Variants in ADCY2 observed in about 807,000 individuals in gnomAD.
ADCY2 encodes the protein adenylate cyclase type 2.
A neutral mutation model predicts 125.2 loss-of-function variants in ADCY2; 31 were observed. The observed-to-expected ratio is 0.25, with a 90% CI of 0.19 to 0.33. The LOEUF (loss-of-function observed/expected upper bound fraction) is 0.33, where lower values mean the gene tolerates loss of function less well. ADCY2 is among the 10% of genes least tolerant of loss of function. The probability of loss-of-function intolerance (pLI) is 1.00; values close to 1 mark genes in which losing one functional copy is unlikely to be tolerated. For missense variants in ADCY2, 904 were observed against 1,418.2 expected, an observed-to-expected ratio of 0.64 and a Z score of 5.82; for synonymous variants, 512 against 548.4, an observed-to-expected ratio of 0.93 and a Z score of 0.93.
chr5:7,581,795 T>TG (rs1736441873), intron 3 of ADCY2, among the ~76,000 whole-genome samples: 2 of 138,878 alleles, frequency 1.4e-5, no homozygotes, highest in African/African-American at 2.8e-5. Context: ...CACTCCAGGC[T>TG]GGCGACAGAG....
At chr5:7,774,272 G>A (rs776053980) in intron 18 of ADCY2, among the ~76,000 whole-genome samples, 8 of 152,148 alleles carry the variant, frequency 5.3e-5, no homozygotes, top group Non-Finnish European at 1.2e-4. Context: ...CTGTAATCAA[G>A]CTTAAGGCAG....
intron 4 of ADCY2, among the ~76,000 whole-genome samples, chr5:7,671,393 T>C (rs891378689): frequency 6.6e-6 from 1 of 152,200 alleles, no homozygotes; most frequent in Non-Finnish European, 1.5e-5. Context: ...ACATATTCAG[T>C]GGTTTTTCTA....
chr5:7,750,399 C>T (rs1392816564), intron 15 of ADCY2, among the ~76,000 whole-genome samples: 1 of 152,116 alleles, frequency 6.6e-6, no homozygotes, highest in Non-Finnish European at 1.5e-5. Flanking sequence ...TTCTCATCTT[C>T]CATACTAGCA....
At chr5:7,485,729 T>A (rs1346494407) in intron 2 of ADCY2, among the ~76,000 whole-genome samples, 1 of 152,166 alleles carries the variant, frequency 6.6e-6, no homozygotes, top group Non-Finnish European at 1.5e-5. Flanking sequence ...CACTACATTT[T>A]AAAAAACTAT....
rs114637012 is a variant in ADCY2, at chr5:7,571,724, A to C, written c.570+50825A>C. Among the ~76,000 whole-genome samples, 1,135 of 152,008 alleles carry C rather than the reference A, an allele frequency of 7.5e-3. 14 individuals are homozygous for C. The highest frequency in any genetic ancestry group is 0.026 in the African/African-American group (1,069 of 41,478). On this transcript the variant is annotated intron_variant, in intron 3 of 24. Coordinates refer to ENST00000338316, the MANE Select transcript of ADCY2 (RefSeq NM_020546.3). Reference sequence around the variant, plus strand: ...GTGTGTCATGGGAGTTTGTTGTGCAAATTATTTTATCACCCAAGTGTTAAG... The same window carrying C: ...GTGTGTCATGGGAGTTTGTTGTGCACATTATTTTATCACCCAAGTGTTAAG...
At chr5:7,730,993 T>C (rs1417500925) in intron 14 of ADCY2, among the ~76,000 whole-genome samples, 1 of 152,172 alleles carries the variant, frequency 6.6e-6, no homozygotes, top group Non-Finnish European at 1.5e-5. Context: ...GTCTCGATTG[T>C]CTATTCTTTC....
In ADCY2 at chr5:7,514,597, A is replaced by G. The variant is rs146362631; in HGVS notation, c.409-6141A>G. Among the ~76,000 whole-genome samples, 648 of 152,332 alleles carry G rather than the reference A, an allele frequency of 4.3e-3. 5 individuals are homozygous for G. The highest frequency in any genetic ancestry group is 0.025 in the South Asian group (121 of 4,826). On this transcript the variant is annotated intron_variant, in intron 2 of 24. Transcript: ENST00000338316. ...GAAGTCCTAATCCGCAGTACTTGTG[A>G]ATGTGACCCTTATTTGAAAATAGGG...
rs531417017 is a variant in ADCY2 at position 7,826,890 on chromosome 5, G to C, written c.*19G>C. 2.5e-6 allele frequency: 4 copies of C among 1,582,134 alleles called. No individual in the cohort carries two copies. Among genetic ancestry groups the C allele is most frequent in the Non-Finnish European group, 3.4e-6 (4 of 1,168,072 alleles). ...ATCCTGAAGAGTCACCTTCATTTTG[G>C]CAAGAAGACTGTATTTTCAGGAAGG... On this transcript the variant is annotated 3_prime_UTR_variant, in exon 25 of 25. Transcript: ENST00000338316.
rs752304266 is a variant in ADCY2, at chr5:7,520,842, C to T, written c.513C>T (p.Ile171=). The T allele has an allele frequency of 1.5e-5, 24 of 1,614,082 alleles. No individual in the cohort carries two copies. Among genetic ancestry groups the T allele is most frequent in the East Asian group, 2.2e-5 (1 of 44,890 alleles). ...ASVLTSSSHT[I]VLSVCLSATP... The stretch of plus-strand genomic sequence containing the variant: ...TCCTCACCTCCTCCTCCCACACCAT[C>T]GTGCTTAGCGTCTGCCTGTCTGCAA... Residue 171 remains isoleucine (I), a synonymous_variant, in exon 3 of 25, where the codon ATC becomes ATT. Transcript: ENST00000338316.
rs1740965539 is a variant in ADCY2, at chr5:7,698,478, T to C, written c.1109+104T>C. 2.5e-6 allele frequency: 3 copies of C among 1,206,050 alleles called. No homozygotes were observed. In the Admixed American group the frequency reaches 5.5e-5, roughly 22 times the overall value. 74.7% of individuals were successfully genotyped at this position (1,206,050 alleles called of 1,614,324 possible). On this transcript the variant is annotated intron_variant, in intron 7 of 24. Coordinates refer to ENST00000338316, the MANE Select transcript of ADCY2 (RefSeq NM_020546.3). The stretch of plus-strand genomic sequence containing the variant: ...CATAGGTATACATGTACTGTGTTGG[T>C]TTCCTGCACCCATCAACTCATCATT...
At chr5:7,672,169 A>C (rs1739958189) in intron 4 of ADCY2, among the ~76,000 whole-genome samples, 1 of 152,212 alleles carries the variant, frequency 6.6e-6, no homozygotes, top group Non-Finnish European at 1.5e-5. Context: ...CTCAGCTGAG[A>C]ACTCAGTGAT....
chr5:7,695,992 T>C (rs1373481486), intron 6 of ADCY2, 129 bp downstream of exon 6: 1 of 593,506 alleles, frequency 1.7e-6, no homozygotes, highest in Non-Finnish European at 2.8e-6. Context: ...TAGAAGTTGT[T>C]GGATTTCTTT....
At chr5:7,637,861 A>T (rs2914293) in intron 4 of ADCY2, among the ~76,000 whole-genome samples, 94,079 of 152,098 alleles carry the variant, frequency 0.62, 29,540 homozygotes, top group Non-Finnish European at 0.65. Flanking sequence ...TATCCAGAGC[A>T]TGAGAGTTTC....
rs569744536 is a variant in ADCY2, at chr5:7,454,172, C to T, written c.408+39402C>T. Among the ~76,000 whole-genome samples, 5 of 152,244 alleles carry T rather than the reference C, an allele frequency of 3.3e-5. No individual in the cohort carries two copies. In the East Asian group the frequency reaches 5.8e-4, roughly 18 times the overall value. ...TGTCTTCTGTAGCACCTTGAGTCAG[C>T]GGCTGTCAACACTGAGGCAAGACCT... On this transcript the variant is annotated intron_variant, in intron 2 of 24. Transcript: ENST00000338316.
chr5:7,467,515 G>A (rs573656082), intron 2 of ADCY2, among the ~76,000 whole-genome samples: 14 of 152,314 alleles, frequency 9.2e-5, no homozygotes, highest in African/African-American at 3.4e-4. Context: ...GGCCTTCAGA[G>A]TTCTTATGAC....
At chr5:7,533,447 A>G (rs1489925963) in intron 3 of ADCY2, among the ~76,000 whole-genome samples, 1 of 151,740 alleles carries the variant, frequency 6.6e-6, no homozygotes, top group African/African-American at 2.4e-5. Flanking sequence ...GGATATATTT[A>G]TTATTTTTAT....
At chr5:7,423,532 C>G (rs1019784086) in intron 2 of ADCY2, among the ~76,000 whole-genome samples, 4 of 152,202 alleles carry the variant, frequency 2.6e-5, no homozygotes, top group Non-Finnish European at 4.4e-5. Flanking sequence ...TGCACACACT[C>G]TCTTGCCTGC....
intron 3 of ADCY2, among the ~76,000 whole-genome samples, chr5:7,534,533 T>C (rs1734754870): frequency 6.6e-6 from 1 of 151,998 alleles, no homozygotes; most frequent in Non-Finnish European, 1.5e-5. Flanking sequence ...ATAAAGAGAG[T>C]GAGCAGAGTT....
chr5:7,667,006 G>C (rs763281720), intron 4 of ADCY2, among the ~76,000 whole-genome samples: 2 of 152,234 alleles, frequency 1.3e-5, no homozygotes, highest in African/African-American at 2.4e-5. Context: ...TTTGTCCTCA[G>C]TAGCTAGCGC....
Sources: allele counts gnomAD v4.1 joint callset (sites outside exome capture counted in the v4.1 genomes callset), GRCh38; gene constraint gnomAD v4.1.1; transcripts MANE v1.5; gene names NCBI Gene and HGNC (gene_info 2026-07-23, HGNC 2026-07-21).